Variants in FSCN2 observed in about 807,000 individuals in gnomAD.
FSCN2 encodes the protein fascin actin-bundling protein 2, retinal, also known as fascin-2.
Under a neutral mutation model 37.8 loss-of-function variants are expected in FSCN2, and 46 were observed. That is an observed-to-expected ratio of 1.22 (90% CI 0.96 to 1.56). FSCN2 has a LOEUF of 1.56. Ranked by LOEUF, FSCN2 falls within the 40% of genes most tolerant of loss-of-function variation. The probability of loss-of-function intolerance (pLI) is 0.00; values close to 1 mark genes in which losing one functional copy is unlikely to be tolerated. For synonymous variants in FSCN2, 351 were observed against 309.4 expected, an observed-to-expected ratio of 1.13 and a Z score of -1.41; for missense variants, 844 against 730.4, an observed-to-expected ratio of 1.16 and a Z score of -1.79.
At chr17:81,531,773 AGTG>A (rs2032631323) in intron 1 of FSCN2, among the ~76,000 whole-genome samples, 1 of 32,872 alleles carries the variant, frequency 3.0e-5, no homozygotes. Context: ...TGGTGATGAT[AGTG>A]ATGGTGATGA....
chr17:81,517,784 C>T, the FSCN2 span, among the ~76,000 whole-genome samples: 1 of 151,340 alleles, frequency 6.6e-6, no homozygotes, highest in Non-Finnish European at 1.5e-5. Context: ...CAGTCCCACT[C>T]CTTCCTCCCC....
the FSCN2 span, among the ~76,000 whole-genome samples, chr17:81,522,341 C>T: frequency 1.3e-5 from 2 of 152,234 alleles, no homozygotes; most frequent in South Asian, 2.1e-4. Flanking sequence ...TGCACCATTT[C>T]ATTAACTATA....
the FSCN2 span, among the ~76,000 whole-genome samples, chr17:81,518,272 T>C: frequency 6.6e-6 from 1 of 152,156 alleles, no homozygotes; most frequent in African/African-American, 2.4e-5. Context: ...GATTATTAGC[T>C]TCTTTCACCC....
chr17:81,525,929 G>A (rs1405640460), upstream of FSCN2, among the ~76,000 whole-genome samples: 5 of 152,130 alleles, frequency 3.3e-5, no homozygotes, highest in Non-Finnish European at 5.9e-5. Flanking sequence ...AGGAAGCCTG[G>A]CCCAGGCGCC....
intron 1 of FSCN2, among the ~76,000 whole-genome samples, chr17:81,533,503 C>T (rs533364253): frequency 2.0e-5 from 3 of 152,356 alleles, no homozygotes; most frequent in East Asian, 1.9e-4. Context: ...GACGCCCTCA[C>T]GGTAGTAATG....
At chr17:81,536,291 C>T (rs1163957866) in intron 3 of FSCN2, 24 bp downstream of exon 3, 2 of 1,584,468 alleles carry the variant, frequency 1.3e-6, no homozygotes, top group East Asian at 2.3e-5. Flanking sequence ...CTGCCAGGTA[C>T]TGGGGCAGGG....
rs1802103 is a variant in FSCN2, at chr17:81,536,743, C to T, written c.1227C>T (p.Tyr409=). 13 of 1,610,574 alleles carry T rather than the reference C, an allele frequency of 8.1e-6. No homozygotes were observed. The highest frequency in any genetic ancestry group is 1.7e-4 in the Middle Eastern group (1 of 6,058). ...AGCTGGACACCAACCGCTCCGTCTA[C>T]GACGTCTTCCACCTGAGCTTCAGCG... The part of the protein sequence containing the change: ...SNQLDTNRSV[Y]DVFHLSFSDG... Residue 409 remains tyrosine (Y), a synonymous_variant, in exon 4 of 5, where the codon TAC becomes TAT. Transcript: ENST00000417245.
Position 81,537,025 on chromosome 17 carries a change from G to A in FSCN2, c.1424G>A (p.Gly475Asp), listed in dbSNP as rs766559907. The change falls in exon 5 of 5, where the codon GGC becomes GAC. Residue 475 changes from glycine to aspartate, a missense_variant. Gly to Asp is a moderately conservative substitution (Grantham distance 94, BLOSUM62 -1). Transcript: ENST00000417245. The stretch of plus-strand genomic sequence containing the variant: ...AAGTACCTGCGCGGCGGCGCCTCGG[G>A]CCTGCTGCGGGCCGATGCCGACGCC... ...SGKYLRGGAS[G>D]LLRADADAPA... 16 of 1,497,984 alleles carry A rather than the reference G, an allele frequency of 1.1e-5. No homozygotes were observed. The highest frequency in any genetic ancestry group is 1.3e-5 in the Non-Finnish European group (15 of 1,130,566). The allele number at this position is 1,497,984 out of a possible 1,614,324, so 92.8% of individuals were successfully genotyped here.
chr17:81,531,291 GTGGTGA>G (rs1568077040), intron 1 of FSCN2, among the ~76,000 whole-genome samples: 28 of 59,748 alleles, frequency 4.7e-4, no homozygotes, highest in Admixed American at 9.7e-4. Flanking sequence ...GATGGTGATG[GTGGTGA>G]TGGTGATGGT....
intron 1 of FSCN2, chr17:81,530,504 C>G (rs1023869789): frequency 2.2e-6 from 1 of 453,206 alleles, no homozygotes; most frequent in African/African-American, 2.1e-5. Flanking sequence ...TCCATGCACC[C>G]CAGAGTGGCT....
intron 1 of FSCN2, among the ~76,000 whole-genome samples, chr17:81,532,130 AGTGATGGTGATGATG>A (rs1568078716): frequency 3.2e-4 from 7 of 21,986 alleles, no homozygotes; most frequent in East Asian, 1.8e-3. Context: ...TGGTGATGAT[AGTGATGGTGATGATG>A]GTGATGGTGA....
At chr17:81,526,408 A>C (rs1454744624), upstream of FSCN2, among the ~76,000 whole-genome samples, 1 of 152,228 alleles carries the variant, frequency 6.6e-6, no homozygotes, top group Non-Finnish European at 1.5e-5. Flanking sequence ...CGGCGGGCAG[A>C]TCACTTGAGG....
At chr17:81,528,077 C>T (rs1278678375), upstream of FSCN2, among the ~76,000 whole-genome samples, 3 of 151,988 alleles carry the variant, frequency 2.0e-5, no homozygotes, top group Non-Finnish European at 2.9e-5. Context: ...CGGGCCGGGC[C>T]GGGAGCCCAC....
chr17:81,518,520 C>G, the FSCN2 span, among the ~76,000 whole-genome samples: 3 of 152,116 alleles, frequency 2.0e-5, no homozygotes, highest in Admixed American at 2.0e-4. Context: ...CAGCTGCCTC[C>G]TATCTCAAAA....
upstream of FSCN2, chr17:81,523,764 T>C (rs932701313): frequency 5.9e-5 from 9 of 152,232 alleles, no homozygotes; most frequent in African/African-American, 2.2e-4. Flanking sequence ...GTGAAAGGCG[T>C]GGTCCTCAGC....
intron 1 of FSCN2, among the ~76,000 whole-genome samples, chr17:81,531,657 A>ATGATGATGGTGATGG (rs2032616177): frequency 1.8e-5 from 2 of 113,152 alleles, no homozygotes; most frequent in African/African-American, 7.0e-5. Context: ...GATGATAGTG[A>ATGATGATGGTGATGG]TGGTGATGAT....
At chr17:81,515,233 C>G in the FSCN2 span, among the ~76,000 whole-genome samples, 1 of 152,144 alleles carries the variant, frequency 6.6e-6, no homozygotes, top group Admixed American at 6.5e-5. Flanking sequence ...CGCGCGGGGC[C>G]TGTCCTGGAT....
exon 1 of FSCN2, chr17:81,528,368 CCGCGGGTCAGA>C (rs2032416872): frequency 1.7e-6 from 1 of 605,712 alleles, no homozygotes; most frequent in Admixed American, 3.0e-5. Flanking sequence ...CAGGCTGCTG[CCGCGGGTCAGA>C]GGCGGGTCAG....
Position 81,529,348 on chromosome 17 carries a change from G to C in FSCN2, c.817G>C (p.Val273Leu), listed in dbSNP as rs909055651. 6.5e-7 allele frequency: 1 copy of C among 1,542,288 alleles called. No individual in the cohort carries two copies. Among genetic ancestry groups the C allele is most frequent in the Non-Finnish European group, 8.8e-7 (1 of 1,142,672 alleles). The change falls in exon 1 of 5, where the codon GTG becomes CTG. Residue 273 changes from valine (V) to leucine (L), a missense_variant. Coordinates refer to ENST00000417245, the MANE Select transcript of FSCN2 (RefSeq NM_012418.4). ...LVAANHRYVS[V>L]RQGVNVSANQ... ...GGCTGCCAACCACCGCTACGTCTCT[G>C]TGCGGCAAGGTAGGGAGGGCACAGG... is the stretch of plus-strand genomic sequence containing the variant.
Sources: gnomAD v4.1 joint callset for allele counts (sites outside exome capture counted in the v4.1 genomes callset) on GRCh38, gnomAD v4.1.1 for gene constraint, MANE v1.5 for transcripts, NCBI Gene and HGNC (gene_info 2026-07-23, HGNC 2026-07-21) for gene names.